Variants in CLSTN2 observed in about 807,000 individuals in gnomAD.
The protein encoded by CLSTN2 is calsyntenin 2, also known as calsyntenin-2.
In CLSTN2, 48 loss-of-function variants were observed where a neutral mutation model predicts 101.2. That is an observed-to-expected ratio of 0.47 (90% confidence interval 0.38 to 0.60). The LOEUF is 0.60. Among genes scored for constraint, CLSTN2 ranks in the 20% least tolerant of loss-of-function variants. CLSTN2 has a pLI of 0.00. For missense variants in CLSTN2, 1,160 were observed against 1,238.2 expected, an observed-to-expected ratio of 0.94 and a Z score of 0.95; for synonymous variants, 481 against 463.6, an observed-to-expected ratio of 1.04 and a Z score of -0.48.
At chr3:139,949,186 A>G (rs1170846622) in intron 1 of CLSTN2, among the ~76,000 whole-genome samples, 4 of 151,994 alleles carry the variant, frequency 2.6e-5, no homozygotes, top group South Asian at 2.1e-4. Context: ...ACTCAATTGC[A>G]TTGTCATTGC....
At chr3:140,528,636 C>CAAAAA (rs3057900) in intron 8 of CLSTN2, among the ~76,000 whole-genome samples, 6 of 148,978 alleles carry the variant, frequency 4.0e-5, no homozygotes, top group African/African-American at 1.5e-4. Context: ...GTGCCTCTGA[C>CAAAAA]AAAAAAAAGA....
At chr3:140,432,288 GC>G (rs2088639956) in intron 5 of CLSTN2, among the ~76,000 whole-genome samples, 1 of 152,200 alleles carries the variant, frequency 6.6e-6, no homozygotes, top group South Asian at 2.1e-4. Flanking sequence ...AGGACCAGCT[GC>G]AAGGCTGCCA....
chr3:140,239,569 T>C (rs183847714), intron 2 of CLSTN2, among the ~76,000 whole-genome samples: 81 of 152,326 alleles, frequency 5.3e-4, no homozygotes, highest in African/African-American at 1.9e-3. Context: ...ATTCAAAGAC[T>C]CAATTTCGTA....
chr3:140,542,531 C>G (rs1935502275), intron 9 of CLSTN2, among the ~76,000 whole-genome samples: 1 of 152,062 alleles, frequency 6.6e-6, no homozygotes, highest in Admixed American at 6.6e-5. Flanking sequence ...CCTAGATATT[C>G]AAAGGAAAGA....
At chr3:140,087,345 AG>A (rs2008698140) in intron 1 of CLSTN2, among the ~76,000 whole-genome samples, 1 of 152,232 alleles carries the variant, frequency 6.6e-6, no homozygotes, top group Non-Finnish European at 1.5e-5. Flanking sequence ...AGCTGATTAA[AG>A]GTTAAACATA....
intron 2 of CLSTN2, among the ~76,000 whole-genome samples, chr3:140,398,341 A>G (rs1438246368): frequency 6.6e-6 from 1 of 152,198 alleles, no homozygotes; most frequent in Non-Finnish European, 1.5e-5. Flanking sequence ...CATTAAAGTC[A>G]TTCTTAAGTG....
chr3:140,188,489 C>T (rs565149614), intron 2 of CLSTN2, among the ~76,000 whole-genome samples: 31 of 152,264 alleles, frequency 2.0e-4, no homozygotes, highest in African/African-American at 7.5e-4. Context: ...CCCAACTCCT[C>T]GTGGCCCTCT....
intron 1 of CLSTN2, among the ~76,000 whole-genome samples, chr3:139,973,854 G>T (rs1374701306): frequency 2.6e-5 from 4 of 152,054 alleles, no homozygotes; most frequent in African/African-American, 7.2e-5. Context: ...TGCCTAGGCT[G>T]GTCCCAAACT....
At chr3:140,135,077 C>A (rs1456661748) in intron 1 of CLSTN2, among the ~76,000 whole-genome samples, 3 of 120,518 alleles carry the variant, frequency 2.5e-5, no homozygotes, top group South Asian at 2.8e-4. Context: ...AGGGTGATGC[C>A]TCTCAAAAAA....
intron 9 of CLSTN2, among the ~76,000 whole-genome samples, chr3:140,545,746 A>G (rs75103677): frequency 0.01 from 1,558 of 152,296 alleles, 20 homozygotes; most frequent in African/African-American, 0.033. Flanking sequence ...GAACACTTGC[A>G]CATGGGTAAA....
chr3:140,399,308 C>CA lies in CLSTN2; in HGVS notation c.233-4314dup, dbSNP rs1446183691. Among the ~76,000 whole-genome samples, 2 of 152,132 alleles carry CA rather than the reference C, an allele frequency of 1.3e-5. 1 individual carries two copies. On this transcript the variant is annotated intron_variant, in intron 2 of 16. Transcript: ENST00000458420. ...TAACAAATGCTAGTGACAAGCCTCA[C>CA]AAAAAAAGTTCTTGTATAAGACATA...
intron 2 of CLSTN2, among the ~76,000 whole-genome samples, chr3:140,291,394 T>TCC (rs376446915): frequency 1.3e-5 from 2 of 149,136 alleles, no homozygotes; most frequent in Non-Finnish European, 3.0e-5. Context: ...GTGCTTCCCC[T>TCC]CCCCCCCCAA....
At chr3:140,217,501 A>T (rs539985831) in intron 2 of CLSTN2, among the ~76,000 whole-genome samples, 1 of 152,356 alleles carries the variant, frequency 6.6e-6, no homozygotes, top group South Asian at 2.1e-4. Flanking sequence ...ACATCACCAC[A>T]TAAAAAAGTT....
chr3:140,228,754 G>A (rs1040676777), intron 2 of CLSTN2, among the ~76,000 whole-genome samples: 27 of 152,226 alleles, frequency 1.8e-4, no homozygotes, highest in African/African-American at 6.5e-4. Context: ...ATGGATGGCT[G>A]CAGGCAGAGA....
At chr3:139,954,876 G>A (rs908866372) in intron 1 of CLSTN2, among the ~76,000 whole-genome samples, 5 of 151,966 alleles carry the variant, frequency 3.3e-5, no homozygotes, top group African/African-American at 1.2e-4. Context: ...TTCTCTAAGA[G>A]ACTTAGTGCA....
chr3:140,020,847 C>T (rs983221212), intron 1 of CLSTN2, among the ~76,000 whole-genome samples: 1 of 152,188 alleles, frequency 6.6e-6, no homozygotes, highest in Non-Finnish European at 1.5e-5. Flanking sequence ...TCAATCATTG[C>T]ACGACATAGA....
chr3:140,166,828 T>C (rs1221182924), intron 1 of CLSTN2, among the ~76,000 whole-genome samples: 1 of 152,118 alleles, frequency 6.6e-6, no homozygotes, highest in Non-Finnish European at 1.5e-5. Context: ...GAATTAGTCC[T>C]AAAGGGGCAT....
At chr3:140,135,581 C>T (rs1335157731) in intron 1 of CLSTN2, among the ~76,000 whole-genome samples, 4 of 152,138 alleles carry the variant, frequency 2.6e-5, no homozygotes, top group East Asian at 1.9e-4. Context: ...AAACTGAGAA[C>T]GGATATTACA....
chr3:140,383,073 C>CT (rs2088004153), intron 2 of CLSTN2, among the ~76,000 whole-genome samples: 1 of 152,108 alleles, frequency 6.6e-6, no homozygotes, highest in Non-Finnish European at 1.5e-5. Flanking sequence ...TGCATAAACT[C>CT]TAAGCATTCA....
Sources: gnomAD v4.1 joint callset for allele counts (sites outside exome capture counted in the v4.1 genomes callset) on GRCh38, gnomAD v4.1.1 for gene constraint, MANE v1.5 for transcripts, NCBI Gene and HGNC (gene_info 2026-07-23, HGNC 2026-07-21) for gene names.